Variants in CNTN5 observed in about 807,000 individuals in gnomAD.
CNTN5 encodes contactin-5.
A neutral mutation model predicts 129.1 loss-of-function variants in CNTN5; 77 were observed. The ratio of observed to expected loss-of-function variants is 0.60; its 90% CI spans 0.50 to 0.72. CNTN5 has a LOEUF of 0.72. CNTN5 is among the 30% of genes least tolerant of loss of function. The pLI is 0.00. For missense variants in CNTN5, 1,478 were observed against 1,328.8 expected (o/e 1.11, Z -1.75); for synonymous variants, 509 against 465.6 (o/e 1.09, Z -1.20).
chr11:99,652,178 TAA>T (rs1333335921), intron 3 of CNTN5, among the ~76,000 whole-genome samples: 1 of 152,068 alleles, frequency 6.6e-6, no homozygotes, highest in African/African-American at 2.4e-5. Context: ...TTACTGAGGT[TAA>T]GACTGAAGTC....
At chr11:100,342,837 G>C (rs1404832990) in intron 23 of CNTN5, among the ~76,000 whole-genome samples, 1 of 152,054 alleles carries the variant, frequency 6.6e-6, no homozygotes, top group Non-Finnish European at 1.5e-5. Flanking sequence ...TTGTTGCTTA[G>C]AGGAAAAAAT....
intron 3 of CNTN5, among the ~76,000 whole-genome samples, chr11:99,640,721 A>G (rs1371809122): frequency 6.6e-6 from 1 of 152,234 alleles, no homozygotes; most frequent in African/African-American, 2.4e-5. Flanking sequence ...AGGCTATACC[A>G]TACCTATAGT....
intron 13 of CNTN5, among the ~76,000 whole-genome samples, chr11:100,081,258 T>C (rs1482246354): frequency 1.3e-5 from 2 of 152,050 alleles, no homozygotes; most frequent in East Asian, 1.9e-4. Context: ...ATTAAGAATA[T>C]ATAGCATTGG....
intron 2 of CNTN5, among the ~76,000 whole-genome samples, chr11:99,449,424 G>C (rs76436630): frequency 0.022 from 3,305 of 152,200 alleles, 128 homozygotes; most frequent in African/African-American, 0.074. Context: ...ACTTATATTT[G>C]TATGGTTTGA....
chr11:99,299,738 A>G (rs190887422), intron 1 of CNTN5, among the ~76,000 whole-genome samples: 1 of 152,294 alleles, frequency 6.6e-6, no homozygotes, highest in East Asian at 1.9e-4. Flanking sequence ...CATACTTTTT[A>G]TGGCTGCATA....
intron 1 of CNTN5, among the ~76,000 whole-genome samples, chr11:99,127,775 T>A (rs185794039): frequency 1.3e-5 from 2 of 152,302 alleles, no homozygotes; most frequent in African/African-American, 4.8e-5. Flanking sequence ...TACAAAGCAT[T>A]CCTTGACCTT....
intron 1 of CNTN5, among the ~76,000 whole-genome samples, chr11:99,137,273 G>T (rs1859275709): frequency 6.6e-6 from 1 of 152,080 alleles, no homozygotes; most frequent in African/African-American, 2.4e-5. Context: ...TTAAGCAAAG[G>T]AAATAGTCTA....
intron 2 of CNTN5, among the ~76,000 whole-genome samples, chr11:99,536,215 G>T (rs1213474248): frequency 6.6e-6 from 1 of 151,990 alleles, no homozygotes; most frequent in Admixed American, 6.6e-5. Context: ...TTAATGCATT[G>T]TTTGATTAGA....
At chr11:100,148,770 A>G (rs1283484143) in intron 13 of CNTN5, among the ~76,000 whole-genome samples, 1 of 152,174 alleles carries the variant, frequency 6.6e-6, no homozygotes, top group African/African-American at 2.4e-5. Context: ...CTTGTAACAT[A>G]TAGGGAGTAG....
At chr11:99,546,489 AAG>A (rs1213402716) in intron 2 of CNTN5, among the ~76,000 whole-genome samples, 1 of 146,002 alleles carries the variant, frequency 6.8e-6, no homozygotes, top group African/African-American at 2.8e-5. Flanking sequence ...AGTTGTTATA[AAG>A]AGTTACAGCC....
chr11:99,357,749 A>G (rs562702574), intron 2 of CNTN5, among the ~76,000 whole-genome samples: 4 of 152,118 alleles, frequency 2.6e-5, no homozygotes, highest in Admixed American at 6.5e-5. Flanking sequence ...AGTAGAGAAC[A>G]TTTACAAATT....
intron 3 of CNTN5, among the ~76,000 whole-genome samples, chr11:99,773,887 C>CA (rs1401020607): frequency 6.6e-6 from 1 of 151,994 alleles, no homozygotes; most frequent in Non-Finnish European, 1.5e-5. Flanking sequence ...GTTTATATTA[C>CA]AAAAAATAAC....
chr11:99,494,513 C>CT (rs1326965437), intron 2 of CNTN5, among the ~76,000 whole-genome samples: 2 of 152,058 alleles, frequency 1.3e-5, no homozygotes, highest in African/African-American at 4.8e-5. Context: ...AATCTTGTTA[C>CT]TTTCTTGTAA....
chr11:99,520,978 G>A (rs974390831), intron 2 of CNTN5, among the ~76,000 whole-genome samples: 3 of 151,948 alleles, frequency 2.0e-5, no homozygotes, highest in Non-Finnish European at 4.4e-5. Context: ...AGTAATATGC[G>A]GTTTATATAG....
chr11:99,790,105 A>AAT (rs1945685290), intron 3 of CNTN5, among the ~76,000 whole-genome samples: 3 of 151,778 alleles, frequency 2.0e-5, no homozygotes, highest in South Asian at 4.2e-4. Flanking sequence ...AAAACTGAAT[A>AAT]ATTTGAAAGA....
chr11:100,028,574 T>A (rs1397167047), intron 9 of CNTN5, among the ~76,000 whole-genome samples: 2 of 152,218 alleles, frequency 1.3e-5, no homozygotes, highest in African/African-American at 4.8e-5. Flanking sequence ...TCCTTCTTTC[T>A]GAAACGCCAT....
chr11:99,779,480 A>C (rs1419110421), intron 3 of CNTN5, among the ~76,000 whole-genome samples: 1 of 152,002 alleles, frequency 6.6e-6, no homozygotes, highest in African/African-American at 2.4e-5. Context: ...GTGATACAAA[A>C]TCTTGTTAAC....
intron 9 of CNTN5, among the ~76,000 whole-genome samples, chr11:100,032,819 A>C (rs182218035): frequency 1.3e-5 from 2 of 152,312 alleles, no homozygotes; most frequent in African/African-American, 2.4e-5. Flanking sequence ...GTATAAAAGA[A>C]TGTCATTTTT....
At chr11:100,115,136 A>AAAAAAAG (rs1555012585) in intron 13 of CNTN5, among the ~76,000 whole-genome samples, 1 of 150,060 alleles carries the variant, frequency 6.7e-6, no homozygotes, top group African/African-American at 2.5e-5. Flanking sequence ...AAAAAAAAAA[A>AAAAAAAG]AAAGAAAGAA....
Sources: allele counts gnomAD v4.1 joint callset (sites outside exome capture counted in the v4.1 genomes callset), GRCh38; gene constraint gnomAD v4.1.1; transcripts MANE v1.5; gene names NCBI Gene and HGNC (gene_info 2026-07-23, HGNC 2026-07-21).